Variants in PARD3B observed in about 807,000 individuals in gnomAD.
The protein encoded by PARD3B is par-3 family cell polarity regulator beta.
Under a neutral mutation model 130.2 loss-of-function variants are expected in PARD3B, and 103 were observed. That is an observed-to-expected ratio of 0.79 (90% CI 0.67 to 0.93). The LOEUF (loss-of-function observed/expected upper bound fraction) is 0.93. PARD3B is among the 40% of genes least tolerant of loss of function. The probability of loss-of-function intolerance (pLI) is 0.00; values close to 1 mark genes in which losing one functional copy is unlikely to be tolerated. For synonymous variants in PARD3B, 583 were observed against 553.2 expected, an observed-to-expected ratio of 1.05 and a Z score of -0.76; for missense variants, 1,609 against 1,499.2, an observed-to-expected ratio of 1.07 and a Z score of -1.21.
chr2:204,637,135 T>C (rs780753981), intron 1 of PARD3B, among the ~76,000 whole-genome samples: 2 of 152,110 alleles, frequency 1.3e-5, no homozygotes, highest in Non-Finnish European at 2.9e-5. Context: ...CTGGAGTACA[T>C]TTTTGGTTTT....
At chr2:205,372,280 G>T (rs1225499150) in intron 18 of PARD3B, among the ~76,000 whole-genome samples, 1 of 152,142 alleles carries the variant, frequency 6.6e-6, no homozygotes, top group Non-Finnish European at 1.5e-5. Flanking sequence ...CACCAGCAGG[G>T]TATGAAGGCT....
chr2:205,355,241 C>G (rs2044149915), intron 18 of PARD3B, among the ~76,000 whole-genome samples: 1 of 152,192 alleles, frequency 6.6e-6, no homozygotes, highest in South Asian at 2.1e-4. Flanking sequence ...CGTACCAGTT[C>G]TGGTGAAGCA....
At chr2:205,196,150 C>T (rs2036670210) in intron 15 of PARD3B, among the ~76,000 whole-genome samples, 1 of 152,190 alleles carries the variant, frequency 6.6e-6, no homozygotes, top group African/African-American at 2.4e-5. Context: ...CAAATATAGT[C>T]TAAAATGTGA....
At chr2:205,211,624 G>C (rs1402853333) in intron 15 of PARD3B, among the ~76,000 whole-genome samples, 3 of 152,034 alleles carry the variant, frequency 2.0e-5, no homozygotes, top group Non-Finnish European at 4.4e-5. Context: ...TGACTGGAAA[G>C]GCTAGTGTTT....
At chr2:205,384,296 C>T (rs1487815051) in intron 18 of PARD3B, among the ~76,000 whole-genome samples, 1 of 151,996 alleles carries the variant, frequency 6.6e-6, no homozygotes, top group African/African-American at 2.4e-5. Context: ...TACTTATCCT[C>T]TGGTAGGAGC....
intron 22 of PARD3B, among the ~76,000 whole-genome samples, chr2:205,555,076 A>C (rs1218865871): frequency 6.6e-6 from 1 of 152,208 alleles, no homozygotes; most frequent in Admixed American, 6.5e-5. Context: ...TCACTGTTGA[A>C]GTATATGGAA....
chr2:205,270,205 C>T (rs915715220), intron 16 of PARD3B, among the ~76,000 whole-genome samples: 6 of 151,958 alleles, frequency 3.9e-5, no homozygotes, highest in African/African-American at 1.2e-4. Context: ...TATCTAAATA[C>T]AGGACTAAAT....
chr2:204,642,945 C>G (rs1387922449), intron 1 of PARD3B, among the ~76,000 whole-genome samples: 1 of 151,036 alleles, frequency 6.6e-6, no homozygotes, highest in Non-Finnish European at 1.5e-5. Context: ...AATCCCGTCT[C>G]TACTAAAAAT....
At chr2:204,766,682 G>A (rs1481220182) in intron 2 of PARD3B, among the ~76,000 whole-genome samples, 1 of 151,674 alleles carries the variant, frequency 6.6e-6, no homozygotes, top group Non-Finnish European at 1.5e-5. Flanking sequence ...CATCAGTGCT[G>A]TTATAAATAA....
chr2:204,572,369 T>C (rs1430361236), intron 1 of PARD3B, among the ~76,000 whole-genome samples: 1 of 152,046 alleles, frequency 6.6e-6, no homozygotes, highest in Non-Finnish European at 1.5e-5. Flanking sequence ...GCAGACATTA[T>C]TGCAGAAAAG....
intron 2 of PARD3B, among the ~76,000 whole-genome samples, chr2:204,739,996 C>A (rs949855417): frequency 6.7e-6 from 1 of 149,332 alleles, no homozygotes; most frequent in South Asian, 2.1e-4. Flanking sequence ...TGTTTTCTTT[C>A]TTTCTTTTTC....
chr2:204,925,257 A>C (rs1687509738), intron 2 of PARD3B, among the ~76,000 whole-genome samples: 1 of 152,100 alleles, frequency 6.6e-6, no homozygotes, highest in South Asian at 2.1e-4. Flanking sequence ...AGATAGCTTG[A>C]GACTCAAGGA....
intron 1 of PARD3B, among the ~76,000 whole-genome samples, chr2:204,613,889 G>C (rs2034017218): frequency 6.6e-6 from 1 of 151,826 alleles, no homozygotes; most frequent in Non-Finnish European, 1.5e-5. Flanking sequence ...GTCTCCTCTG[G>C]CTTTTATGGT....
intron 1 of PARD3B, among the ~76,000 whole-genome samples, chr2:204,658,743 G>C (rs2125179537): frequency 6.6e-6 from 1 of 151,880 alleles, no homozygotes; most frequent in South Asian, 2.1e-4. Context: ...CATTTCTATT[G>C]TGTCAGCTTC....
chr2:205,104,158 G>A (rs1276648508), intron 4 of PARD3B, among the ~76,000 whole-genome samples: 1 of 152,176 alleles, frequency 6.6e-6, no homozygotes, highest in African/African-American at 2.4e-5. Flanking sequence ...GCCTATGGCT[G>A]AGTAGCAAGA....
In PARD3B at chr2:204,935,363, A is replaced by C. The variant is rs1474493528; in HGVS notation, c.223-29789A>C. ...GCTAACACGGTGAAACCCTGTCTCT[A>C]CTAAAAATACAAAAAAAAAAAAAAA... is the stretch of plus-strand genomic sequence containing the variant. On this transcript the variant is annotated intron_variant, in intron 2 of 22. Coordinates refer to ENST00000406610, the MANE Select transcript of PARD3B (RefSeq NM_001302769.2). Among the ~76,000 whole-genome samples, 3 of 131,492 alleles carry C rather than the reference A, an allele frequency of 2.3e-5. No individual in the cohort carries two copies. In the Admixed American group the frequency reaches 2.3e-4, roughly 10 times the overall value. The allele number at this position is 131,492 out of a possible 152,430, so 86.3% of individuals were successfully genotyped here.
chr2:205,459,553 G>T (rs6734509), intron 20 of PARD3B, among the ~76,000 whole-genome samples: 1 of 152,026 alleles, frequency 6.6e-6, no homozygotes, highest in Non-Finnish European at 1.5e-5. Context: ...TGAATATACA[G>T]TGATTTTGGA....
At chr2:204,918,918 T>G (rs2047557149) in intron 2 of PARD3B, among the ~76,000 whole-genome samples, 1 of 152,004 alleles carries the variant, frequency 6.6e-6, no homozygotes, top group South Asian at 2.1e-4. Context: ...ATCACCATCC[T>G]TGGTCCCATT....
rs2042906988 is a variant in PARD3B at position 205,325,484 on chromosome 2, A to G, written c.2630+23783A>G. ...GCTGACAACAATTCTCTCCACACTC[A>G]GTACTGATAAAGATAGTTTACTAAT... On this transcript the variant is annotated intron_variant, in intron 18 of 22. Transcript: ENST00000406610. This position sits in a 1 kb window ranked among gnomAD's most constrained non-coding sequence, Gnocchi z 4.1. Among the ~76,000 whole-genome samples the G allele has an allele frequency of 6.6e-6, 1 of 151,500 alleles. No homozygotes were observed.
Sources: allele counts gnomAD v4.1 joint callset (sites outside exome capture counted in the v4.1 genomes callset), GRCh38; gene constraint gnomAD v4.1.1; non-coding constraint Gnocchi (gnomAD v3.1); transcripts MANE v1.5; gene names NCBI Gene and HGNC (gene_info 2026-07-23, HGNC 2026-07-21).